RABEP1: variants seen among roughly 807,000 people sequenced by gnomAD.
The protein encoded by RABEP1 is rab GTPase-binding effector protein 1.
A neutral mutation model predicts 123.4 loss-of-function variants in RABEP1; 51 were observed. The observed-to-expected ratio is 0.41, with a 90% CI of 0.33 to 0.52. The LOEUF is 0.52. Among genes scored for constraint, RABEP1 ranks in the 20% least tolerant of loss-of-function variants. The probability of loss-of-function intolerance (pLI) is 0.16; values close to 1 mark genes in which losing one functional copy is unlikely to be tolerated. For synonymous variants in RABEP1, 347 were observed against 355.2 expected (o/e 0.98, Z 0.26); for missense variants, 888 against 996.3 (o/e 0.89, Z 1.46).
chr17:5,282,636 C>T, intron 1 of RABEP1, 116 bp downstream of exon 1: 3 of 682,336 alleles, frequency 4.4e-6, no homozygotes, highest in Non-Finnish European at 5.4e-6. Context: ...CGGGGGTGAC[C>T]CCGCCGGGCG....
intron 3 of RABEP1, among the ~76,000 whole-genome samples, chr17:5,333,307 C>T (rs1468271167): frequency 1.3e-5 from 2 of 152,018 alleles, no homozygotes; most frequent in African/African-American, 2.4e-5. Context: ...GGACTACAGG[C>T]GCCCGCCACC....
At chr17:5,353,687 A>G (rs1018397357) in intron 7 of RABEP1, among the ~76,000 whole-genome samples, 1 of 152,086 alleles carries the variant, frequency 6.6e-6, no homozygotes, top group Admixed American at 6.6e-5. Context: ...ATCTATGCAA[A>G]AAAACCAAAA....
rs769722989 is a variant in RABEP1, at chr17:5,343,488, A to G, written c.649-3302A>G. 1.8e-4 allele frequency among the ~76,000 whole-genome samples: 28 copies of G among 152,114 alleles called. 1 individual carries two copies. The highest frequency in any genetic ancestry group is 1.8e-4 in the Non-Finnish European group (12 of 67,974). The stretch of plus-strand genomic sequence containing the variant: ...ATCATGAGAATCACTTGAACCCAGG[A>G]GGTGGAAGTTGCAGTGAGCTGAGAT... On this transcript the variant is annotated intron_variant, in intron 5 of 17. Coordinates refer to ENST00000537505, the MANE Select transcript of RABEP1 (RefSeq NM_004703.6).
At chr17:5,304,237 G>A (rs1436605116) in intron 1 of RABEP1, among the ~76,000 whole-genome samples, 1 of 151,846 alleles carries the variant, frequency 6.6e-6, no homozygotes. Flanking sequence ...GAGACATTCT[G>A]AATTGAGTGA....
At chr17:5,382,003 A>G (rs1023667785) in intron 17 of RABEP1, among the ~76,000 whole-genome samples, 2 of 151,504 alleles carry the variant, frequency 1.3e-5, no homozygotes, top group African/African-American at 4.9e-5. Flanking sequence ...TCCCTCGGGC[A>G]CTCTATGAAT....
intron 2 of RABEP1, among the ~76,000 whole-genome samples, chr17:5,310,959 G>T (rs1233107574): frequency 6.6e-6 from 1 of 151,814 alleles, no homozygotes; most frequent in African/African-American, 2.4e-5. Context: ...ACAGGTGTGT[G>T]CCACCACGCC....
rs181278018 is a variant in RABEP1, at chr17:5,375,662, C to T, written c.2026-1454C>T. On this transcript the variant is annotated intron_variant, in intron 13 of 17. Coordinates refer to ENST00000537505, the MANE Select transcript of RABEP1 (RefSeq NM_004703.6). ...TCAAAGCTGCAGTGAGCTGAGATCG[C>T]GCCACTGCCCTCCAGCCTGGGAGAC... 2.2e-4 allele frequency among the ~76,000 whole-genome samples: 34 copies of T among 151,688 alleles called. No homozygotes were observed. The East Asian group carries it at 5.2e-3, about 23-fold the overall frequency.
intron 3 of RABEP1, among the ~76,000 whole-genome samples, chr17:5,333,423 A>C (rs577578920): frequency 1.3e-5 from 2 of 152,142 alleles, no homozygotes; most frequent in Admixed American, 1.3e-4. Context: ...CGGCCTCCCA[A>C]AGTGCTGGGA....
intron 4 of RABEP1, among the ~76,000 whole-genome samples, chr17:5,335,869 A>G (rs1907029234): frequency 6.7e-6 from 1 of 149,842 alleles, no homozygotes; most frequent in Non-Finnish European, 1.5e-5. Context: ...AGGTGCTTGA[A>G]CTCCTAAATA....
chr17:5,382,484 C>T (rs1450762389), intron 17 of RABEP1, among the ~76,000 whole-genome samples: 2 of 151,572 alleles, frequency 1.3e-5, no homozygotes, highest in South Asian at 2.1e-4. Flanking sequence ...CATGGTGGCT[C>T]ACGCCTATAA....
intron 11 of RABEP1, among the ~76,000 whole-genome samples, chr17:5,367,389 A>T (rs1016903145): frequency 9.9e-5 from 15 of 151,698 alleles, no homozygotes; most frequent in Non-Finnish European, 1.6e-4. Flanking sequence ...CTCCTGCCTC[A>T]GCCTCCTGAG....
At chr17:5,341,834 C>T (rs1039901129) in intron 5 of RABEP1, among the ~76,000 whole-genome samples, 1 of 152,220 alleles carries the variant, frequency 6.6e-6, no homozygotes, top group Non-Finnish European at 1.5e-5. Flanking sequence ...GCATTATATT[C>T]ATTTTGGATT....
intron 2 of RABEP1, among the ~76,000 whole-genome samples, chr17:5,310,669 C>G (rs2075229877): frequency 6.6e-6 from 1 of 152,126 alleles, no homozygotes. Context: ...CCATTGTTAT[C>G]TGTTTAACAA....
intron 15 of RABEP1, 75 bp from the exon 16 acceptor site, chr17:5,380,289 C>A: frequency 1.0e-6 from 1 of 976,660 alleles, no homozygotes; most frequent in Non-Finnish European, 1.5e-6. Context: ...ATTCTCCAGG[C>A]TCTAGGCTCT....
intron 9 of RABEP1, chr17:5,361,927 T>G: frequency 2.3e-6 from 1 of 437,252 alleles, no homozygotes; most frequent in Non-Finnish European, 4.1e-6. Flanking sequence ...CTCACAGCTC[T>G]CAGGTTGGAG....
chr17:5,320,802 T>G (rs1380276567), intron 2 of RABEP1, among the ~76,000 whole-genome samples: 1 of 152,104 alleles, frequency 6.6e-6, no homozygotes, highest in Non-Finnish European at 1.5e-5. Flanking sequence ...AAGCAATGAA[T>G]TAAGACATAC....
At chr17:5,326,639 GTGA>G (rs1291577360) in intron 2 of RABEP1, among the ~76,000 whole-genome samples, 2 of 152,138 alleles carry the variant, frequency 1.3e-5, no homozygotes, top group Non-Finnish European at 2.9e-5. Flanking sequence ...AACGAAGTGG[GTGA>G]TGATAGTGTG....
chr17:5,318,774 T>TA (rs1246473006), intron 2 of RABEP1, among the ~76,000 whole-genome samples: 7 of 152,200 alleles, frequency 4.6e-5, no homozygotes, highest in Admixed American at 6.5e-5. Context: ...ACTACAGACT[T>TA]ACATCTGTCA....
intron 8 of RABEP1, among the ~76,000 whole-genome samples, chr17:5,360,581 C>T (rs1019616715): frequency 1.3e-5 from 2 of 152,150 alleles, no homozygotes; most frequent in East Asian, 3.8e-4. Context: ...GAAAATACTA[C>T]GTTCTCGTCA....
Sources: gnomAD v4.1 joint callset for allele counts (sites outside exome capture counted in the v4.1 genomes callset) on GRCh38, gnomAD v4.1.1 for gene constraint, MANE v1.5 for transcripts, NCBI Gene and HGNC (gene_info 2026-07-23, HGNC 2026-07-21) for gene names.